GSN: variants seen among roughly 807,000 people sequenced by gnomAD.
GSN encodes actin-depolymerizing factor.
A neutral mutation model predicts 85.7 loss-of-function variants in GSN; 56 were observed. That is an observed-to-expected ratio of 0.65 (90% CI 0.53 to 0.82). GSN has a LOEUF of 0.82. Among genes scored for constraint, GSN ranks in the 40% least tolerant of loss-of-function variants. The pLI, the probability that GSN is intolerant of heterozygous loss-of-function variation, is 0.00. For missense variants in GSN, 857 were observed against 979.8 expected, an observed-to-expected ratio of 0.87 and a Z score of 1.67; for synonymous variants, 373 against 399.1, an observed-to-expected ratio of 0.93 and a Z score of 0.78.
chr9:121,292,360 T>C (rs1324507898), intron 2 of GSN, among the ~76,000 whole-genome samples: 1 of 152,180 alleles, frequency 6.6e-6, no homozygotes, highest in Non-Finnish European at 1.5e-5. Flanking sequence ...GGTACCAGCC[T>C]TGTTTGGAAC....
chr9:121,254,648 C>G (rs2054912552), intron 6 of GSN, among the ~76,000 whole-genome samples: 1 of 152,158 alleles, frequency 6.6e-6, no homozygotes, highest in Non-Finnish European at 1.5e-5. Flanking sequence ...CAATTTTCTC[C>G]CAAAGATGAA....
At chr9:121,295,095 G>A (rs1437099079) in intron 2 of GSN, among the ~76,000 whole-genome samples, 2 of 152,156 alleles carry the variant, frequency 1.3e-5, no homozygotes, top group African/African-American at 4.8e-5. Flanking sequence ...AGGCGTCTGT[G>A]CAGAAAACAG....
intron 5 of GSN, chr9:121,238,686 T>A: frequency 2.7e-6 from 1 of 364,466 alleles, no homozygotes; most frequent in Non-Finnish European, 5.4e-6. Flanking sequence ...CTTCAGCATA[T>A]CTTTGGGGAA....
At chr9:121,312,578 G>GAAA in intron 6 of GSN, 90 bp downstream of exon 6, 5 of 534,108 alleles carry the variant, frequency 9.4e-6, no homozygotes, top group East Asian at 4.9e-5. Flanking sequence ...TGAATTTGAG[G>GAAA]AAAAAAAAAA....
chr9:121,324,324 A>G (rs1405507487), intron 11 of GSN, among the ~76,000 whole-genome samples: 1 of 152,252 alleles, frequency 6.6e-6, no homozygotes, highest in Non-Finnish European at 1.5e-5. Context: ...CATTTAGCAT[A>G]AGGAAATCCA....
At chr9:121,322,252 GCCTGGTC>G (rs2062570528) in intron 11 of GSN, among the ~76,000 whole-genome samples, 1 of 151,664 alleles carries the variant, frequency 6.6e-6, no homozygotes, top group South Asian at 2.1e-4. Context: ...ATAATTTATA[GCCTGGTC>G]CCTCCCTTCC....
chr9:121,294,583 C>T (rs907856525), intron 2 of GSN, among the ~76,000 whole-genome samples: 1 of 152,194 alleles, frequency 6.6e-6, no homozygotes, highest in Non-Finnish European at 1.5e-5. Flanking sequence ...GTCCCTGAGA[C>T]AGTTGGTCTC....
intron 1 of GSN, among the ~76,000 whole-genome samples, chr9:121,278,301 A>G (rs1160389005): frequency 6.6e-6 from 1 of 152,194 alleles, no homozygotes; most frequent in Non-Finnish European, 1.5e-5. Flanking sequence ...TGGAAGGTGC[A>G]CAGAAAATGA....
intron 6 of GSN, among the ~76,000 whole-genome samples, chr9:121,259,590 G>A (rs553533235): frequency 1.3e-5 from 2 of 152,320 alleles, no homozygotes; most frequent in East Asian, 3.9e-4. Context: ...GGGGCATGGG[G>A]TTCAGGTGGG....
At chr9:121,207,826 C>T (rs1002637818) in exon 1 of GSN, 11 of 151,706 alleles carry the variant, frequency 7.3e-5, no homozygotes, top group African/African-American at 2.7e-4. Flanking sequence ...ACGATATCAG[C>T]TCACTGAAGC....
rs541245409 is a variant in GSN at position 121,209,106 on chromosome 9, G to A, written c.-807-190G>A. Among the ~76,000 whole-genome samples the A allele has an allele frequency of 5.3e-5, 8 of 152,372 alleles. No homozygotes were observed. The South Asian group carries it at 1.7e-3, about 32-fold the overall frequency. ...CTTTATTAGTGATATTGCCAGGTTG[G>A]AGAAGAAACTTTTAGGGTTGGTAGC... On this transcript the variant is annotated intron_variant, in intron 1 of 24. Transcript: ENST00000373823.
chr9:121,244,975 AAAG>A (rs534134888), intron 5 of GSN, among the ~76,000 whole-genome samples: 181 of 152,300 alleles, frequency 1.2e-3, no homozygotes, highest in Non-Finnish European at 2.2e-3. Flanking sequence ...TTCTAAAAAA[AAAG>A]TAGATTTAAC....
intron 6 of GSN, among the ~76,000 whole-genome samples, chr9:121,248,808 T>A (rs1013168710): frequency 2.2e-4 from 34 of 151,800 alleles, no homozygotes; most frequent in African/African-American, 8.2e-4. Context: ...GGAGAAGCCC[T>A]GGTGTCTGGG....
Position 121,227,245 on chromosome 9 carries a change from T to G in GSN, c.-527-3920T>G, listed in dbSNP as rs1024682464. 2.4e-4 allele frequency among the ~76,000 whole-genome samples: 37 copies of G among 152,090 alleles called. 1 individual carries two copies. Among genetic ancestry groups the G allele is most frequent in the African/African-American group, 8.4e-4 (35 of 41,484 alleles). ...CCCGACTCTACTAAAAATACAAAAA[T>G]TAGCTAGGCGTGGTGGTGCGTGCCT... On this transcript the variant is annotated intron_variant, in intron 4 of 24. Coordinates refer to the GSN transcript ENST00000373823.
intron 12 of GSN, among the ~76,000 whole-genome samples, chr9:121,326,051 A>C (rs1354540304): frequency 6.6e-6 from 1 of 150,734 alleles, no homozygotes; most frequent in Non-Finnish European, 1.5e-5. Context: ...CCCACCACCA[A>C]GCCCCTGACT....
At chr9:121,289,050 C>T (rs1295130253) in intron 2 of GSN, among the ~76,000 whole-genome samples, 1 of 152,174 alleles carries the variant, frequency 6.6e-6, no homozygotes, top group Admixed American at 6.5e-5. Flanking sequence ...TGGGCAGGCT[C>T]TTGGCCACAG....
intron 5 of GSN, among the ~76,000 whole-genome samples, chr9:121,242,577 G>C (rs2054625930): frequency 6.6e-6 from 1 of 152,192 alleles, no homozygotes; most frequent in African/African-American, 2.4e-5. Context: ...TAAAATATAT[G>C]TTAAATTGAG....
intron 4 of GSN, among the ~76,000 whole-genome samples, chr9:121,305,528 T>A (rs1209301956): frequency 6.6e-6 from 1 of 152,228 alleles, no homozygotes; most frequent in Non-Finnish European, 1.5e-5. Context: ...ATTGGACTAG[T>A]GTGCAAACCC....
upstream of GSN, among the ~76,000 whole-genome samples, chr9:121,263,738 A>G (rs2055136077): frequency 6.6e-6 from 1 of 152,044 alleles, no homozygotes; most frequent in African/African-American, 2.4e-5. Context: ...TAAAAATACA[A>G]AATTAGCCGG....
Sources: allele counts gnomAD v4.1 joint callset (sites outside exome capture counted in the v4.1 genomes callset), GRCh38; gene constraint gnomAD v4.1.1; transcripts MANE v1.5; gene names NCBI Gene and HGNC (gene_info 2026-07-23, HGNC 2026-07-21).